CSNK1G3: variants seen among roughly 807,000 people sequenced by gnomAD.
CSNK1G3 encodes casein kinase I isoform gamma-3.
In CSNK1G3, 23 loss-of-function variants were observed where a neutral mutation model predicts 64.3. The observed-to-expected ratio is 0.36, with a 90% CI of 0.26 to 0.51. The LOEUF is 0.51. Ranked by LOEUF, CSNK1G3 falls within the 20% of genes least tolerant of loss-of-function variation. The pLI, the probability that CSNK1G3 is intolerant of heterozygous loss-of-function variation, is 0.96. For synonymous variants in CSNK1G3, 158 were observed against 162.2 expected, an observed-to-expected ratio of 0.97 and a Z score of 0.20; for missense variants, 357 against 510.5, an observed-to-expected ratio of 0.70 and a Z score of 2.90.
chr5:123,584,850 T>A (rs1021401281), intron 6 of CSNK1G3, among the ~76,000 whole-genome samples: 1 of 152,198 alleles, frequency 6.6e-6, no homozygotes, highest in African/African-American at 2.4e-5. Flanking sequence ...GTTGTTTAAT[T>A]TACATGTAAG....
At chr5:123,524,266 TC>T (rs1406497568) in intron 1 of CSNK1G3, among the ~76,000 whole-genome samples, 1 of 152,202 alleles carries the variant, frequency 6.6e-6, no homozygotes, top group Non-Finnish European at 1.5e-5. Context: ...CCACTGTAGT[TC>T]CAGAAGCGTT....
chr5:123,612,460 G>A (rs923204732), intron 12 of CSNK1G3, among the ~76,000 whole-genome samples: 9 of 151,570 alleles, frequency 5.9e-5, no homozygotes, highest in East Asian at 1.9e-4. Context: ...ATCTTTTGCC[G>A]GGTGGGACAC....
intron 2 of CSNK1G3, among the ~76,000 whole-genome samples, chr5:123,548,388 G>A (rs113995342): frequency 0.23 from 32,990 of 140,746 alleles, 3,881 homozygotes; most frequent in Middle Eastern, 0.3. Flanking sequence ...GAGCTGAGGA[G>A]TTTAAGGTTG....
intron 1 of CSNK1G3, among the ~76,000 whole-genome samples, chr5:123,526,437 TTC>T (rs1463209504): frequency 6.6e-6 from 1 of 152,100 alleles, no homozygotes; most frequent in Non-Finnish European, 1.5e-5. Flanking sequence ...AAAGGAAATA[TTC>T]TCTTTTTTTT....
chr5:123,531,388 T>G (rs758037206), intron 1 of CSNK1G3, among the ~76,000 whole-genome samples: 3 of 152,028 alleles, frequency 2.0e-5, no homozygotes, highest in Non-Finnish European at 2.9e-5. Flanking sequence ...CCTAAATTAT[T>G]GGGCCATGCA....
chr5:123,516,435 C>T lies in CSNK1G3; in HGVS notation c.-248+3865C>T, dbSNP rs531989918. 2.6e-5 allele frequency among the ~76,000 whole-genome samples: 4 copies of T among 151,930 alleles called. No homozygotes were observed. In the South Asian group the frequency reaches 8.3e-4, roughly 32 times the overall value. ...TGGAGGCTGCTGTTAGACATTTTTT[C>T]TTTTTTTTAAGCTCTCTCTGAAAGC... On this transcript the variant is annotated intron_variant, in intron 1 of 12. Transcript: ENST00000345990.
chr5:123,605,966 A>G (rs1795300069), intron 12 of CSNK1G3, among the ~76,000 whole-genome samples: 1 of 152,228 alleles, frequency 6.6e-6, no homozygotes, highest in East Asian at 1.9e-4. Flanking sequence ...TTTGCCTTTA[A>G]TTGTAATACT....
At chr5:123,531,252 T>C (rs1398550491) in intron 1 of CSNK1G3, among the ~76,000 whole-genome samples, 1 of 152,114 alleles carries the variant, frequency 6.6e-6, no homozygotes, top group East Asian at 1.9e-4. Flanking sequence ...AATATACCTA[T>C]AGGAACTTTC....
chr5:123,594,953 T>C, intron 10 of CSNK1G3, 86 bp from the exon 11 acceptor site: 1 of 1,088,048 alleles, frequency 9.2e-7, no homozygotes, highest in East Asian at 2.6e-5. Flanking sequence ...TTTTATACGT[T>C]TGTTTTATAT....
At chr5:123,609,320 G>A (rs1236032014) in intron 12 of CSNK1G3, among the ~76,000 whole-genome samples, 1 of 152,120 alleles carries the variant, frequency 6.6e-6, no homozygotes, top group African/African-American at 2.4e-5. Context: ...ACTTCCTGGG[G>A]TTCAGCAGAT....
chr5:123,558,346 A>T (rs1785020446), intron 4 of CSNK1G3, among the ~76,000 whole-genome samples: 1 of 152,184 alleles, frequency 6.6e-6, no homozygotes, highest in Admixed American at 6.5e-5. Flanking sequence ...CATGGAAAAA[A>T]TTTCTATTGT....
chr5:123,543,193 T>G (rs147860723), intron 1 of CSNK1G3, among the ~76,000 whole-genome samples: 1 of 152,222 alleles, frequency 6.6e-6, no homozygotes, highest in African/African-American at 2.4e-5. Context: ...TGGAATGCAG[T>G]TAATGTGCTC....
intron 6 of CSNK1G3, among the ~76,000 whole-genome samples, chr5:123,583,066 A>T (rs1402890538): frequency 2.6e-5 from 4 of 152,186 alleles, no homozygotes; most frequent in African/African-American, 9.7e-5. Context: ...AGATCACCTT[A>T]TGACCGTGGC....
exon 13 of CSNK1G3, chr5:123,614,663 A>G (rs905885021): frequency 1.8e-5 from 6 of 328,498 alleles, no homozygotes; most frequent in South Asian, 6.7e-5. Context: ...ATGAGGTGGT[A>G]TCAATGAATA....
intron 4 of CSNK1G3, 101 bp downstream of exon 4, chr5:123,557,665 T>C (rs1784887173): frequency 1.4e-6 from 1 of 726,776 alleles, no homozygotes; most frequent in African/African-American, 1.8e-5. Flanking sequence ...GAAATCACTT[T>C]GCAAGGCTAT....
chr5:123,590,622 C>T (rs1792163305), intron 9 of CSNK1G3, 64 bp downstream of exon 9: 7 of 983,376 alleles, frequency 7.1e-6, no homozygotes, highest in African/African-American at 3.4e-5. Flanking sequence ...AGTACAATAT[C>T]TTCAATTGAA....
Position 123,545,728 on chromosome 5 carries a change from C to T in CSNK1G3, c.65C>T (p.Ser22Leu), listed in dbSNP as rs766707433. 74 of 1,613,284 alleles carry T rather than the reference C, an allele frequency of 4.6e-5. No homozygotes were observed. Among genetic ancestry groups the T allele is most frequent in the Non-Finnish European group, 5.9e-5 (70 of 1,179,606 alleles). ...AGAATGGCACGACCTAGTGGTCGATCGGGACACAACACTCGAGGAACTGGG... is the reference window on the plus strand; with the variant it reads ...AGAATGGCACGACCTAGTGGTCGATTGGGACACAACACTCGAGGAACTGGG... The change falls in exon 2 of 13, where the codon TCG (serine) becomes TTG (leucine). Residue 22 changes from serine (S) to leucine (L), a missense_variant. Physicochemically the swap from Ser to Leu is moderately radical, Grantham distance 145 (BLOSUM62 -2). Coordinates refer to ENST00000345990, the Ensembl canonical transcript of CSNK1G3.
intron 1 of CSNK1G3, among the ~76,000 whole-genome samples, chr5:123,525,468 G>A (rs533958935): frequency 5.9e-5 from 9 of 151,988 alleles, no homozygotes; most frequent in South Asian, 4.2e-4. Context: ...GTGCCACCAC[G>A]CCCCGCTAGT....
intron 1 of CSNK1G3, among the ~76,000 whole-genome samples, chr5:123,531,878 G>A (rs2150100486): frequency 6.6e-6 from 1 of 151,978 alleles, no homozygotes; most frequent in South Asian, 2.1e-4. Flanking sequence ...AAAATTGTAA[G>A]CAGGGGGTAT....
Sources: allele counts gnomAD v4.1 joint callset (sites outside exome capture counted in the v4.1 genomes callset), GRCh38; gene constraint gnomAD v4.1.1; transcripts MANE v1.5; gene names NCBI Gene and HGNC (gene_info 2026-07-23, HGNC 2026-07-21).